The following DOK6 variants were observed in gnomAD, a reference collection of about 807,000 sequenced individuals.
DOK6 encodes docking protein 6, also known as downstream of tyrosine kinase 6.
Under a neutral mutation model 44.0 loss-of-function variants are expected in DOK6, and 22 were observed. That is an observed-to-expected ratio of 0.50 (90% CI 0.36 to 0.71). The LOEUF (loss-of-function observed/expected upper bound fraction) is 0.71. DOK6 is among the 30% of genes least tolerant of loss of function. The pLI, the probability that DOK6 is intolerant of heterozygous loss-of-function variation, is 0.00. For missense variants in DOK6, 340 were observed against 416.4 expected, an observed-to-expected ratio of 0.82 and a Z score of 1.60; for synonymous variants, 166 against 145.5, an observed-to-expected ratio of 1.14 and a Z score of -1.01.
intron 5 of DOK6, among the ~76,000 whole-genome samples, chr18:69,725,231 G>A (rs973441571): frequency 2.2e-4 from 34 of 152,140 alleles, no homozygotes; most frequent in Admixed American, 2.2e-3. Context: ...CAGCTTTCCC[G>A]ATCACCACCC....
chr18:69,570,000 T>C (rs894565966), intron 2 of DOK6, among the ~76,000 whole-genome samples: 3 of 151,796 alleles, frequency 2.0e-5, no homozygotes, highest in African/African-American at 7.3e-5. Flanking sequence ...TGAGAACATA[T>C]GGACAGAATG....
At chr18:69,581,694 C>A (rs916245371) in intron 2 of DOK6, among the ~76,000 whole-genome samples, 2 of 152,226 alleles carry the variant, frequency 1.3e-5, no homozygotes, top group Non-Finnish European at 2.9e-5. Flanking sequence ...TCTCCCATCT[C>A]TACTAAAGGG....
intron 1 of DOK6, among the ~76,000 whole-genome samples, chr18:69,461,439 G>T (rs1055707721): frequency 6.6e-6 from 1 of 152,012 alleles, no homozygotes; most frequent in East Asian, 1.9e-4. Context: ...CCTGATAAAC[G>T]CCTGGCAGTC....
Position 69,844,756 on chromosome 18 carries a change from T to C in DOK6, c.*3373T>C, listed in dbSNP as rs906413474. The C allele has an allele frequency of 6.6e-6, 1 of 152,224 alleles. No individual in the cohort carries two copies. 9.4% of individuals were successfully genotyped at this position (152,224 alleles called of 1,614,324 possible). A position where few individuals can be genotyped will look rare whatever the true frequency, so the allele number is the denominator to read the frequency against. ...ATATATGAGGGAAGATGCTGTTTGA[T>C]AGAGCATGTGAAATCAATGGAAACA... On this transcript the variant is annotated 3_prime_UTR_variant, in exon 8 of 8. Transcript: ENST00000382713.
intron 1 of DOK6, among the ~76,000 whole-genome samples, chr18:69,496,476 C>T (rs1380774665): frequency 3.3e-5 from 5 of 152,228 alleles, no homozygotes; most frequent in Non-Finnish European, 7.3e-5. Flanking sequence ...GCCGCTGCTG[C>T]CATCAGTGCT....
At chr18:69,723,049 A>G (rs961523764) in intron 5 of DOK6, among the ~76,000 whole-genome samples, 1 of 152,204 alleles carries the variant, frequency 6.6e-6, no homozygotes, top group African/African-American at 2.4e-5. Flanking sequence ...ATTTATTCCA[A>G]TCCTAATCAA....
chr18:69,508,080 G>A (rs901583775), intron 1 of DOK6, among the ~76,000 whole-genome samples: 1 of 152,070 alleles, frequency 6.6e-6, no homozygotes, highest in South Asian at 2.1e-4. Flanking sequence ...TTCATGAATG[G>A]ATGTTGATTA....
intron 3 of DOK6, among the ~76,000 whole-genome samples, chr18:69,668,699 G>A (rs1985720511): frequency 6.6e-6 from 1 of 152,106 alleles, no homozygotes; most frequent in Non-Finnish European, 1.5e-5. Context: ...TGATGTATAA[G>A]AGTCCTAGTT....
intron 7 of DOK6, among the ~76,000 whole-genome samples, chr18:69,766,536 G>A (rs1260554128): frequency 3.9e-5 from 6 of 152,096 alleles, no homozygotes; most frequent in Admixed American, 6.6e-5. Flanking sequence ...GGGTTTACAC[G>A]TATTATATAC....
intron 3 of DOK6, among the ~76,000 whole-genome samples, chr18:69,676,946 T>C (rs572918116): frequency 6.6e-6 from 1 of 152,166 alleles, no homozygotes; most frequent in African/African-American, 2.4e-5. Flanking sequence ...AATGTGATTA[T>C]AAAGAAATTG....
chr18:69,806,587 C>G (rs574001151), intron 7 of DOK6, among the ~76,000 whole-genome samples: 7 of 151,992 alleles, frequency 4.6e-5, no homozygotes, highest in Non-Finnish European at 7.4e-5. Flanking sequence ...TAGAAACAAA[C>G]TAGATGGTCC....
At chr18:69,613,381 C>G (rs562891788) in intron 3 of DOK6, among the ~76,000 whole-genome samples, 2 of 152,054 alleles carry the variant, frequency 1.3e-5, no homozygotes, top group Non-Finnish European at 2.9e-5. Context: ...AAGGAGAGCC[C>G]TTCTTTCTTT....
At chr18:69,560,174 T>A (rs1019693599) in intron 1 of DOK6, among the ~76,000 whole-genome samples, 3 of 152,154 alleles carry the variant, frequency 2.0e-5, no homozygotes, top group African/African-American at 7.2e-5. Flanking sequence ...TATATTGATC[T>A]TAATTTAACT....
At chr18:69,507,523 A>G (rs1981229931) in intron 1 of DOK6, among the ~76,000 whole-genome samples, 1 of 152,124 alleles carries the variant, frequency 6.6e-6, no homozygotes, top group Admixed American at 6.6e-5. Context: ...TAAAATATGA[A>G]GACTATATAT....
chr18:69,620,836 C>T (rs1474311912), intron 3 of DOK6, among the ~76,000 whole-genome samples: 2 of 152,130 alleles, frequency 1.3e-5, no homozygotes, highest in African/African-American at 2.4e-5. Flanking sequence ...AGTCAGGTTT[C>T]GGCATCAGGA....
chr18:69,557,714 T>A (rs1016796696), intron 1 of DOK6, among the ~76,000 whole-genome samples: 1 of 152,180 alleles, frequency 6.6e-6, no homozygotes, highest in East Asian at 1.9e-4. Context: ...AACTGGCATG[T>A]TTAGGAGATA....
intron 1 of DOK6, among the ~76,000 whole-genome samples, chr18:69,432,425 CAG>C (rs1324143891): frequency 1.3e-5 from 2 of 152,036 alleles, no homozygotes; most frequent in Non-Finnish European, 2.9e-5. Context: ...GCCTGGGAAA[CAG>C]AGAGAGACCC....
At chr18:69,829,346 A>T (rs1221900652) in intron 7 of DOK6, among the ~76,000 whole-genome samples, 1 of 151,924 alleles carries the variant, frequency 6.6e-6, no homozygotes, top group Non-Finnish European at 1.5e-5. Flanking sequence ...AAAAACTAAC[A>T]CTATTGTTAT....
At chr18:69,491,108 T>C (rs1021352466) in intron 1 of DOK6, among the ~76,000 whole-genome samples, 10 of 152,336 alleles carry the variant, frequency 6.6e-5, no homozygotes, top group Middle Eastern at 6.8e-3. Context: ...AAACATTCAG[T>C]AAGTGTTATC....
Sources: allele counts gnomAD v4.1 joint callset (sites outside exome capture counted in the v4.1 genomes callset), GRCh38; gene constraint gnomAD v4.1.1; transcripts MANE v1.5; gene names NCBI Gene and HGNC (gene_info 2026-07-23, HGNC 2026-07-21).